Variants in PCDHGB1 observed in about 807,000 individuals in gnomAD.
PCDHGB1 encodes protocadherin gamma-B1.
PCDHGB1 carries 34 observed loss-of-function variants against 56.6 expected under a neutral mutation model. The observed-to-expected ratio is 0.60, with a 90% confidence interval of 0.46 to 0.80. PCDHGB1 has a LOEUF of 0.80. Ranked by LOEUF, PCDHGB1 falls within the 30% of genes least tolerant of loss-of-function variation. PCDHGB1 has a pLI of 0.00. For synonymous variants in PCDHGB1, 561 were observed against 505.9 expected (o/e 1.11, Z -1.46); for missense variants, 1,278 against 1,204.6 (o/e 1.06, Z -0.90).
At chr5:141,504,545 TGTTGGGGG>T in intron 2 of PCDHGB1, among the ~76,000 whole-genome samples, 1 of 151,524 alleles carries the variant, frequency 6.6e-6, no homozygotes, top group South Asian at 2.1e-4. Flanking sequence ...TCATGGCAAA[TGTTGGGGG>T]ACTGGCATTC....
chr5:141,384,771 C>T (rs568102289), intron 1 of PCDHGB1: 36 of 1,613,878 alleles, frequency 2.2e-5, no homozygotes, highest in Admixed American at 1.7e-4. Context: ...TGTACACGGG[C>T]GAGGTGCGCA....
intron 1 of PCDHGB1, chr5:141,387,576 G>C (rs534073702): frequency 2.1e-6 from 1 of 487,618 alleles, no homozygotes; most frequent in Non-Finnish European, 3.6e-6. Context: ...TATAATTATT[G>C]CACTGGTTAA....
Position 141,489,980 on chromosome 5 carries a change from T to G in PCDHGB1, c.2410-4827T>G, listed in dbSNP as rs2099694325. 1.2e-6 allele frequency: 2 copies of G among 1,614,204 alleles called. No individual in the cohort carries two copies. The highest frequency in any genetic ancestry group is 1.7e-6 in the Non-Finnish European group (2 of 1,180,012). On this transcript the variant is annotated intron_variant, in intron 1 of 3. Transcript: ENST00000523390. This position sits in a 1 kb window ranked among gnomAD's most constrained non-coding sequence, Gnocchi z 4.5. ...GCTCCAACCTTCCAATCCTCAGTTC[T>G]ACGTGTGGGAATCCCAGAGAATGCA...
At chr5:141,355,699 C>G in intron 1 of PCDHGB1, 1 of 1,613,950 alleles carries the variant, frequency 6.2e-7, no homozygotes, top group African/African-American at 1.3e-5. Flanking sequence ...TGTAAACTCC[C>G]TGCAGGGTTA....
intron 1 of PCDHGB1, among the ~76,000 whole-genome samples, chr5:141,484,544 A>G (rs1160398392): frequency 6.6e-6 from 1 of 152,144 alleles, no homozygotes; most frequent in Non-Finnish European, 1.5e-5. Flanking sequence ...CAGTGGTTCT[A>G]ATTAGCAGTT....
chr5:141,428,949 G>T (rs2097173007), intron 1 of PCDHGB1: 1 of 152,034 alleles, frequency 6.6e-6, no homozygotes, highest in Admixed American at 6.6e-5. Flanking sequence ...CTGCCTTCCG[G>T]GTTCTGGCCA....
chr5:141,419,945 T>C (rs2096451536), intron 1 of PCDHGB1: 4 of 1,614,088 alleles, frequency 2.5e-6, no homozygotes, highest in Middle Eastern at 1.6e-4. Context: ...GGTGGTGGCC[T>C]TGGCCTTGAT....
intron 1 of PCDHGB1, chr5:141,409,110 A>T: frequency 6.2e-7 from 1 of 1,614,060 alleles, no homozygotes; most frequent in Non-Finnish European, 8.5e-7. Context: ...ATGATTAAGA[A>T]TAACCAGTCA....
Position 141,486,243 on chromosome 5 carries a change from G to T in PCDHGB1, c.2410-8564G>T. ...TACATCACAGTGACCTCAGAGCTTG[G>T]AACCCTCCCCGAGAGTGCAGAACCT... is the stretch of plus-strand genomic sequence containing the variant. On this transcript the variant is annotated intron_variant, in intron 1 of 3. Coordinates refer to ENST00000523390, the MANE Select transcript of PCDHGB1 (RefSeq NM_018922.3). The surrounding 1 kb of genome is among the most constrained non-coding windows in gnomAD (Gnocchi z 5.0). 1 of 1,614,156 alleles carries T rather than the reference G, an allele frequency of 6.2e-7. No individual in the cohort carries two copies. Among genetic ancestry groups the T allele is most frequent in the Non-Finnish European group, 8.5e-7 (1 of 1,180,018 alleles).
chr5:141,497,218 GA>G (rs1172998466), intron 2 of PCDHGB1, among the ~76,000 whole-genome samples: 1 of 149,792 alleles, frequency 6.7e-6, no homozygotes, highest in Non-Finnish European at 1.5e-5. Flanking sequence ...ATGGGGGGGG[GA>G]AGATCAGAGA....
chr5:141,408,378 T>C lies in PCDHGB1; in HGVS notation c.2409+55709T>C, dbSNP rs1369625426. 28 of 1,613,884 alleles carry C rather than the reference T, an allele frequency of 1.7e-5. No homozygotes were observed. The South Asian group carries it at 3.0e-4, about 17-fold the overall frequency. The stretch of plus-strand genomic sequence containing the variant: ...GCTAAGGATCTAGGGCTCAGTGTCC[T>C]GGATGTGTCGGCTCGCAAGCTGCGA... On this transcript the variant is annotated intron_variant, in intron 1 of 3. Transcript: ENST00000523390.
At chr5:141,369,470 C>T (rs752917426) in intron 1 of PCDHGB1, among the ~76,000 whole-genome samples, 13 of 152,166 alleles carry the variant, frequency 8.5e-5, no homozygotes, top group African/African-American at 1.9e-4. Context: ...TGTTCTAGCC[C>T]AGCCTGGGCA....
At chr5:141,430,827 T>A in intron 1 of PCDHGB1, 1 of 1,551,000 alleles carries the variant, frequency 6.4e-7, no homozygotes, top group South Asian at 1.3e-5. Flanking sequence ...CTGGGGACTC[T>A]GTGGGAGACC....
At chr5:141,421,825 AG>A in intron 1 of PCDHGB1, 1 of 1,613,802 alleles carries the variant, frequency 6.2e-7, no homozygotes. Flanking sequence ...ACTGGAGGGA[AG>A]CCTGGACCGA....
At chr5:141,478,016 G>A (rs1204231648) in intron 1 of PCDHGB1, 1 of 1,614,108 alleles carries the variant, frequency 6.2e-7, no homozygotes, top group Non-Finnish European at 8.5e-7. Context: ...TGCCCGTCCA[G>A]TCCAAGACAC....
At chr5:141,354,338 T>A (rs938895784) in intron 1 of PCDHGB1, among the ~76,000 whole-genome samples, 2 of 152,238 alleles carry the variant, frequency 1.3e-5, no homozygotes, top group Non-Finnish European at 2.9e-5. Context: ...GGTATTGTTC[T>A]AAAGATTGAG....
At chr5:141,450,881 G>A (rs1205242412) in intron 1 of PCDHGB1, among the ~76,000 whole-genome samples, 1 of 149,726 alleles carries the variant, frequency 6.7e-6, no homozygotes, top group African/African-American at 2.5e-5. Flanking sequence ...CTGGTGTGCA[G>A]TGGTGCGATA....
At chr5:141,393,503 G>C (rs2092782893) in intron 1 of PCDHGB1, 1 of 1,614,028 alleles carries the variant, frequency 6.2e-7, no homozygotes, top group Non-Finnish European at 8.5e-7. Flanking sequence ...GCATCCACGT[G>C]ACAGTGTTGG....
intron 3 of PCDHGB1, among the ~76,000 whole-genome samples, chr5:141,506,146 T>C (rs1014881418): frequency 6.6e-6 from 1 of 152,086 alleles, no homozygotes; most frequent in African/African-American, 2.4e-5. Context: ...AAGAATATCA[T>C]TTGTCCTTAA....
Sources: gnomAD v4.1 joint callset for allele counts (sites outside exome capture counted in the v4.1 genomes callset) on GRCh38, gnomAD v4.1.1 for gene constraint, Gnocchi (gnomAD v3.1) non-coding constraint, MANE v1.5 for transcripts, NCBI Gene and HGNC (gene_info 2026-07-23, HGNC 2026-07-21) for gene names.